The following NOB1 variants were observed in gnomAD, a reference collection of about 807,000 sequenced individuals.
NOB1 encodes the protein RNA-binding protein NOB1.
NOB1 carries 44 observed loss-of-function variants against 44.8 expected under a neutral mutation model. That is an observed-to-expected ratio of 0.98 (90% CI 0.77 to 1.26). NOB1 has a LOEUF of 1.26. NOB1 is among the 50% of genes most tolerant of loss of function. NOB1 has a pLI of 0.00. For missense variants in NOB1, 560 were observed against 544.8 expected, an observed-to-expected ratio of 1.03 and a Z score of -0.28; for synonymous variants, 238 against 218.7, an observed-to-expected ratio of 1.09 and a Z score of -0.78.
At chr16:69,743,516 C>T (rs1246457475) in intron 8 of NOB1, among the ~76,000 whole-genome samples, 1 of 152,198 alleles carries the variant, frequency 6.6e-6, no homozygotes, top group Non-Finnish European at 1.5e-5. Context: ...GAAACGAAGT[C>T]CTGAGAAGGA....
chr16:69,751,594 C>T (rs1487256128), intron 3 of NOB1, among the ~76,000 whole-genome samples: 1 of 152,056 alleles, frequency 6.6e-6, no homozygotes, highest in African/African-American at 2.4e-5. Flanking sequence ...AACGCTTTAA[C>T]ATTTACAAAA....
At chr16:69,744,100 G>GA (rs2038408326) in intron 8 of NOB1, among the ~76,000 whole-genome samples, 1 of 152,182 alleles carries the variant, frequency 6.6e-6, no homozygotes, top group Admixed American at 6.5e-5. Flanking sequence ...TGAGGTGGGC[G>GA]AATCACCTGA....
In NOB1 at chr16:69,748,303, G is replaced by A. The variant is rs749436282; in HGVS notation, c.753C>T (p.His251=). ...MQNVLLQMGL[H]VLAVNGMLIR... ...TCAGCATGCCGTTCACCGCCAGCAC[G>A]TGCAGCCCCATCTGCAGCAGAACAT... The change falls in exon 7 of 9, where the codon CAC becomes CAT. Residue 251 remains histidine, a synonymous_variant. Transcript: ENST00000268802. 6.8e-5 allele frequency: 110 copies of A among 1,613,856 alleles called. No homozygotes were observed. The highest frequency in any genetic ancestry group is 1.2e-4 in the Admixed American group (7 of 59,998).
intron 7 of NOB1, 77 bp from the exon 8 acceptor site, chr16:69,745,094 C>A: frequency 1.3e-6 from 2 of 1,513,276 alleles, no homozygotes; most frequent in South Asian, 2.3e-5. Context: ...AGGTGGGTCT[C>A]GGGCCTCAGG....
In NOB1 at chr16:69,754,803, G is replaced by A. The variant is rs755176062; in HGVS notation, c.63+45C>T. ...CGCGACTCCACGCACTCCGGGAGGG[G>A]CGGCCAGCCCAGATCTCTCTCGTCC... On this transcript the variant is annotated intron_variant, in intron 1 of 8. Coordinates refer to ENST00000268802, the MANE Select transcript of NOB1 (RefSeq NM_014062.3). The A allele has an allele frequency of 6.8e-6, 11 of 1,609,484 alleles. No individual in the cohort carries two copies. The Admixed American group carries it at 1.5e-4, about 22-fold the overall frequency.
At chr16:69,753,837 C>T (rs927853541) in intron 2 of NOB1, among the ~76,000 whole-genome samples, 12 of 152,136 alleles carry the variant, frequency 7.9e-5, no homozygotes, top group Admixed American at 6.5e-4. Context: ...GACAGAGTCT[C>T]GCTCTGTCGC....
chr16:69,753,799 A>G (rs567641542), intron 2 of NOB1, among the ~76,000 whole-genome samples: 11 of 152,114 alleles, frequency 7.2e-5, no homozygotes, highest in Non-Finnish European at 1.3e-4. Flanking sequence ...ACAATTCTTT[A>G]ATTTTCTTTA....
chr16:69,751,509 A>C (rs558237122), intron 3 of NOB1, among the ~76,000 whole-genome samples: 2 of 148,866 alleles, frequency 1.3e-5, no homozygotes, highest in East Asian at 2.0e-4. Flanking sequence ...TGAAAGAGGG[A>C]AAAAAAAAAG....
intron 8 of NOB1, among the ~76,000 whole-genome samples, chr16:69,744,633 A>C (rs965189003): frequency 6.6e-6 from 1 of 151,158 alleles, no homozygotes; most frequent in African/African-American, 2.4e-5. Context: ...CCTCCGCCTT[A>C]CTCCAAATGA....
At chr16:69,742,713 CG>C in intron 8 of NOB1, 112 bp from the exon 9 acceptor site, 2 of 1,135,484 alleles carry the variant, frequency 1.8e-6, no homozygotes, top group South Asian at 1.4e-5. Flanking sequence ...CAGATGACAG[CG>C]GGTGGTAATT....
rs774236414 is a variant in NOB1 at position 69,748,306 on chromosome 16, C to G, written c.750G>C (p.Leu250=). Residue 250 remains leucine (L), a synonymous_variant, in exon 7 of 9, where the codon CTG becomes CTC. Transcript: ENST00000268802. ...GCATGCCGTTCACCGCCAGCACGTG[C>G]AGCCCCATCTGCAGCAGAACATTCT... ...AMQNVLLQMG[L]HVLAVNGMLI... is the part of the protein sequence containing the mutation. The G allele has an allele frequency of 2.2e-5, 36 of 1,613,808 alleles. No homozygotes were observed. The South Asian group carries it at 4.0e-4, about 18-fold the overall frequency.
At position 69,742,307 on chromosome 16, in the gene NOB1, C is replaced by T. The variant is rs2038388464; in HGVS notation, c.*25G>A. 5.0e-6 allele frequency: 8 copies of T among 1,601,438 alleles called. No individual in the cohort carries two copies. Among genetic ancestry groups the T allele is most frequent in the Non-Finnish European group, 6.0e-6 (7 of 1,170,756 alleles). On this transcript the variant is annotated 3_prime_UTR_variant, in exon 9 of 9. Transcript: ENST00000268802. Reference sequence around the variant, plus strand: ...ACTCCACGGCGGCCAGACGCCCATCCAATTTGCCTGCGGGAACTCGCTCTT... The same window carrying T: ...ACTCCACGGCGGCCAGACGCCCATCTAATTTGCCTGCGGGAACTCGCTCTT...
At position 69,754,742 on chromosome 16, in the gene NOB1, C is replaced by A. The variant is rs2038511527; in HGVS notation, c.64-16G>T. 6.2e-7 allele frequency: 1 copy of A among 1,613,900 alleles called. No individual in the cohort carries two copies. Among genetic ancestry groups the A allele is most frequent in the African/African-American group, 1.3e-5 (1 of 74,950 alleles). On this transcript the variant is annotated splice_polypyrimidine_tract_variant and intron_variant, in intron 1 of 8. Transcript: ENST00000268802. The stretch of plus-strand genomic sequence containing the variant: ...TCCCGATGTCCTGCGGACAGAACGC[C>A]CCAGCTCAGACCCACCCGCACCAAG...
At chr16:69,746,010 C>A (rs143482248) in intron 7 of NOB1, among the ~76,000 whole-genome samples, 1 of 152,212 alleles carries the variant, frequency 6.6e-6, no homozygotes, top group African/African-American at 2.4e-5. Flanking sequence ...AAGCCAGGAG[C>A]TTTACTATCA....
chr16:69,744,188 G>A (rs975483618), intron 8 of NOB1, among the ~76,000 whole-genome samples: 21 of 152,156 alleles, frequency 1.4e-4, no homozygotes, highest in African/African-American at 4.8e-4. Context: ...AAGCATGGTG[G>A]CGTGTGCCTG....
At chr16:69,745,573 G>C (rs1470159040) in intron 7 of NOB1, among the ~76,000 whole-genome samples, 4 of 152,202 alleles carry the variant, frequency 2.6e-5, no homozygotes, top group South Asian at 2.1e-4. Context: ...TAATGAGAGA[G>C]ACAGGAAACA....
At position 69,747,362 on chromosome 16, in the gene NOB1, AC is replaced by A. The variant is rs2038441988; in HGVS notation, c.824+869del. Among the ~76,000 whole-genome samples the A allele has an allele frequency of 9.2e-5, 14 of 152,200 alleles. 1 individual carries two copies. In the South Asian group the frequency reaches 2.9e-3, roughly 32 times the overall value. ...AGACCAGCCTGGGCAACATCGTGAG[AC>A]CTCGTCTCAAAGAAAAGAATCTGAA... On this transcript the variant is annotated intron_variant, in intron 7 of 8. Transcript: ENST00000268802.
At chr16:69,744,735 T>A in intron 8 of NOB1, 138 bp downstream of exon 8, 2 of 927,840 alleles carry the variant, frequency 2.2e-6, no homozygotes, top group East Asian at 2.7e-5. Context: ...TCACACACTC[T>A]CCCCACTCCG....
intron 8 of NOB1, 53 bp downstream of exon 8, chr16:69,744,820 T>G (rs765697697): frequency 6.3e-6 from 10 of 1,586,212 alleles, no homozygotes; most frequent in Admixed American, 3.7e-5. Context: ...TTTTGTCCTT[T>G]CTGTTCTTTT....
Sources: gnomAD v4.1 joint callset for allele counts (sites outside exome capture counted in the v4.1 genomes callset) on GRCh38, gnomAD v4.1.1 for gene constraint, MANE v1.5 for transcripts, NCBI Gene and HGNC (gene_info 2026-07-23, HGNC 2026-07-21) for gene names.